Variants in FRMPD4 observed in about 807,000 individuals in gnomAD.
The protein encoded by FRMPD4 is FERM and PDZ domain containing 4, also known as FERM and PDZ domain-containing protein 4.
Under a neutral mutation model 94.1 loss-of-function variants are expected in FRMPD4, and 22 were observed. The observed-to-expected ratio is 0.23, with a 90% CI of 0.17 to 0.33. The LOEUF (loss-of-function observed/expected upper bound fraction) is 0.33, where lower values mean the gene tolerates loss of function less well. FRMPD4 is among the 10% of genes least tolerant of loss of function. The probability of loss-of-function intolerance (pLI) is 1.00; values close to 1 mark genes in which losing one functional copy is unlikely to be tolerated. For missense variants in FRMPD4, 1,111 were observed against 1,339.9 expected (o/e 0.83, Z 2.67); for synonymous variants, 631 against 548.6 (o/e 1.15, Z -2.10).
intron 2 of FRMPD4, among the ~76,000 whole-genome samples, chrX:12,546,738 C>T (rs2058481109): frequency 9.0e-6 from 1 of 110,504 alleles, no homozygotes; most frequent in African/African-American, 3.3e-5. Flanking sequence ...TATTATGATC[C>T]ATTCATCTCA....
chrX:12,481,957 A>AAAAAAAG (rs2057690186), intron 1 of FRMPD4, among the ~76,000 whole-genome samples: 5 of 98,156 alleles, frequency 5.1e-5, no homozygotes, highest in African/African-American at 1.8e-4. Flanking sequence ...AAAAAAAAAA[A>AAAAAAAG]AAAAAAAAAA....
intron 2 of FRMPD4, among the ~76,000 whole-genome samples, chrX:12,570,646 G>A (rs1367324739): frequency 8.9e-6 from 1 of 112,055 alleles, no homozygotes; most frequent in Non-Finnish European, 1.9e-5. Flanking sequence ...GAGAAGTACT[G>A]TTATCTCAGT....
At chrX:11,957,517 C>A (rs1371109328) in intron 3 of FRMPD4, among the ~76,000 whole-genome samples, 1 of 98,947 alleles carries the variant, frequency 1.0e-5, no homozygotes, top group Non-Finnish European at 2.1e-5. Context: ...GTGAGTGAGA[C>A]CCTGTCTCAA....
At chrX:12,699,807 C>T (rs1304128668) in intron 9 of FRMPD4, among the ~76,000 whole-genome samples, 1 of 112,456 alleles carries the variant, frequency 8.9e-6, no homozygotes, top group Non-Finnish European at 1.9e-5. Context: ...GGGAAATTGT[C>T]CATTTTTATG....
intron 10 of FRMPD4, among the ~76,000 whole-genome samples, chrX:12,702,218 A>G (rs748572827): frequency 2.7e-5 from 3 of 112,818 alleles, no homozygotes; most frequent in Non-Finnish European, 5.6e-5. Context: ...GATGAGGGAC[A>G]TATTTAAAAC....
chrX:11,983,977 A>G (rs901373871), intron 3 of FRMPD4, among the ~76,000 whole-genome samples: 1 of 111,744 alleles, frequency 8.9e-6, no homozygotes, highest in Admixed American at 9.5e-5. Flanking sequence ...TCTTTTTTAC[A>G]TTAACTGGAG....
chrX:12,486,389 G>A (rs147335908), intron 1 of FRMPD4, among the ~76,000 whole-genome samples: 1,222 of 112,197 alleles, frequency 0.011, 21 homozygotes, highest in African/African-American at 0.037. Context: ...ACTAAAGTTG[G>A]AGAGGCCCTG....
intron 2 of FRMPD4, among the ~76,000 whole-genome samples, chrX:12,542,775 T>C (rs1402850201): frequency 2.7e-5 from 3 of 111,310 alleles, no homozygotes; most frequent in Non-Finnish European, 5.7e-5. Flanking sequence ...GAGCCCACAT[T>C]GCCAAGACAA....
At chrX:12,104,602 G>C (rs752857099) in intron 3 of FRMPD4, among the ~76,000 whole-genome samples, 39 of 112,285 alleles carry the variant, frequency 3.5e-4, no homozygotes, top group African/African-American at 1.3e-3. Flanking sequence ...TAGTTAAAAT[G>C]CTTAATTTTA....
chrX:12,340,532 T>G (rs2055595662), intron 1 of FRMPD4, among the ~76,000 whole-genome samples: 1 of 111,593 alleles, frequency 9.0e-6, no homozygotes, highest in Admixed American at 9.5e-5. Flanking sequence ...GAAGGATCTC[T>G]GAAAACCTTG....
intron 4 of FRMPD4, among the ~76,000 whole-genome samples, chrX:12,635,774 C>G (rs1767911615): frequency 8.9e-6 from 1 of 111,882 alleles, no homozygotes; most frequent in African/African-American, 3.3e-5. Flanking sequence ...ACTGCCACTA[C>G]AGCTGGTCAT....
chrX:11,826,444 G>A (rs1050067094), intron 1 of FRMPD4, among the ~76,000 whole-genome samples: 3 of 111,559 alleles, frequency 2.7e-5, no homozygotes, highest in Non-Finnish European at 5.6e-5. Context: ...AGGAGGGGGC[G>A]AAAAGACATT....
chrX:11,945,795 G>T (rs1461033141), intron 3 of FRMPD4, among the ~76,000 whole-genome samples: 1 of 111,453 alleles, frequency 9.0e-6, no homozygotes, highest in Non-Finnish European at 1.9e-5. Flanking sequence ...CCACCCCCAT[G>T]ACCCAAATGC....
chrX:12,486,172 G>T (rs7876155), intron 1 of FRMPD4, among the ~76,000 whole-genome samples: 14,026 of 110,424 alleles, frequency 0.13, 740 homozygotes, highest in African/African-American at 0.17. Context: ...TGTATAAGGG[G>T]CTGGCAGAGA....
chrX:12,183,365 C>T (rs745356259), intron 1 of FRMPD4, among the ~76,000 whole-genome samples: 2 of 111,951 alleles, frequency 1.8e-5, no homozygotes, highest in East Asian at 5.6e-4. Flanking sequence ...CAAATCTGTC[C>T]TTCACAAGCA....
chrX:12,112,821 T>C (rs2055377776), intron 3 of FRMPD4, among the ~76,000 whole-genome samples: 1 of 111,129 alleles, frequency 9.0e-6, no homozygotes, highest in African/African-American at 3.3e-5. Flanking sequence ...CCATCTTTCT[T>C]GTGGGAACCT....
rs751835395 is a variant in FRMPD4, at chrX:12,637,792, TTTAA to T, written c.422+22915_422+22918del. ...ATAATTCTTAGAAATGGCTTTTTAA[TTTAA>T]TTATGTTTTAAAATTAAGTTCAACT... On this transcript the variant is annotated intron_variant, in intron 4 of 16. Transcript: ENST00000675598. 2.6e-3 allele frequency among the ~76,000 whole-genome samples: 293 copies of T among 112,635 alleles called. 2 individuals carry two copies. Among genetic ancestry groups the T allele is most frequent in the African/African-American group, 8.8e-3 (274 of 31,064 alleles).
chrX:12,298,781 G>A (rs181482878), intron 1 of FRMPD4, among the ~76,000 whole-genome samples: 1 of 112,194 alleles, frequency 8.9e-6, no homozygotes, highest in African/African-American at 3.2e-5. Context: ...AAAAACGAGA[G>A]CATCCAACCT....
chrX:12,146,874 T>C (rs2147585024), intron 1 of FRMPD4, among the ~76,000 whole-genome samples: 1 of 112,337 alleles, frequency 8.9e-6, no homozygotes, highest in South Asian at 3.7e-4. Flanking sequence ...GATAGGACTA[T>C]CTCATCTTCA....
Sources: gnomAD v4.1 joint callset for allele counts (sites outside exome capture counted in the v4.1 genomes callset) on GRCh38, gnomAD v4.1.1 for gene constraint, MANE v1.5 for transcripts, NCBI Gene and HGNC (gene_info 2026-07-23, HGNC 2026-07-21) for gene names.